CNGB3: variants seen among roughly 807,000 people sequenced by gnomAD.
CNGB3 encodes the protein cyclic nucleotide gated channel subunit beta 3.
In CNGB3, 86 loss-of-function variants were observed where a neutral mutation model predicts 92.8. The observed-to-expected ratio is 0.93, with a 90% CI of 0.78 to 1.11. The LOEUF (loss-of-function observed/expected upper bound fraction) is 1.11. CNGB3 is among the 50% of genes least tolerant of loss of function. CNGB3 has a pLI of 0.00. For synonymous variants in CNGB3, 333 were observed against 332.7 expected, an observed-to-expected ratio of 1.00 and a Z score of -0.01; for missense variants, 1,026 against 956.8, an observed-to-expected ratio of 1.07 and a Z score of -0.95.
intron 3 of CNGB3, among the ~76,000 whole-genome samples, chr8:86,683,429 A>G (rs939333744): frequency 1.3e-5 from 2 of 152,164 alleles, no homozygotes; most frequent in Non-Finnish European, 2.9e-5. Flanking sequence ...GGAAATGTCT[A>G]TTAGAAGTAG....
intron 6 of CNGB3, chr8:86,661,719 T>C (rs1056658312): frequency 1.4e-6 from 2 of 1,464,044 alleles, no homozygotes; most frequent in South Asian, 1.2e-5. Context: ...TTCTGACCCA[T>C]GGGTAGTGGT....
In CNGB3 at chr8:86,670,798, T is replaced by C. The variant is rs1482103400; in HGVS notation, c.493+146A>G. On this transcript the variant is annotated intron_variant, in intron 4 of 17. Coordinates refer to ENST00000320005, the MANE Select transcript of CNGB3 (RefSeq NM_019098.5). ...ACTTTGTTCTCTGTCTCACCACTCG[T>C]ACCTTCCTGGATTACTCTCAAAATA... 14 of 906,664 alleles carry C rather than the reference T, an allele frequency of 1.5e-5. No homozygotes were observed. In the Admixed American group the frequency reaches 2.3e-4, roughly 15 times the overall value. The allele number at this position is 906,664 out of a possible 1,614,324, so 56.2% of individuals were successfully genotyped here.
At chr8:86,612,751 T>A (rs932198953) in intron 13 of CNGB3, among the ~76,000 whole-genome samples, 3 of 152,202 alleles carry the variant, frequency 2.0e-5, no homozygotes, top group African/African-American at 4.8e-5. Context: ...TTAGAATTTT[T>A]AAAAATCACT....
chr8:86,689,120 A>G (rs1360009999), intron 3 of CNGB3, among the ~76,000 whole-genome samples: 1 of 147,492 alleles, frequency 6.8e-6, no homozygotes, highest in Non-Finnish European at 1.5e-5. Context: ...GTTTTATTCC[A>G]TTGTGGTCAG....
At chr8:86,634,764 G>A (rs1438692049) in intron 10 of CNGB3, among the ~76,000 whole-genome samples, 3 of 150,950 alleles carry the variant, frequency 2.0e-5, no homozygotes, top group Admixed American at 6.6e-5. Context: ...TAGCACTTTG[G>A]GTAACTGGGC....
chr8:86,631,016 G>C (rs1822951220), intron 11 of CNGB3, among the ~76,000 whole-genome samples: 1 of 152,076 alleles, frequency 6.6e-6, no homozygotes, highest in Admixed American at 6.6e-5. Context: ...TTCACTATGA[G>C]AGTTTGAGGC....
chr8:86,738,594 C>T (rs1825285621), intron 2 of CNGB3, among the ~76,000 whole-genome samples: 1 of 152,162 alleles, frequency 6.6e-6, no homozygotes, highest in Non-Finnish European at 1.5e-5. Flanking sequence ...AATCCCAGCA[C>T]TTTGGGAGGC....
chr8:86,613,815 G>A (rs1012795642), intron 13 of CNGB3, among the ~76,000 whole-genome samples: 3 of 149,730 alleles, frequency 2.0e-5, no homozygotes, highest in African/African-American at 7.3e-5. Flanking sequence ...TATATTCATG[G>A]GAAATATTAG....
rs867058703 is a variant in CNGB3, at chr8:86,671,054, G to A, written c.383C>T (p.Ala128Val). 6.2e-7 allele frequency: 1 copy of A among 1,613,808 alleles called. No homozygotes were observed. The highest frequency in any genetic ancestry group is 1.3e-5 in the African/African-American group (1 of 74,944). ...CACCAGGTTGTGTAGCTGGGCATCG[G>A]CATACTCATTTATAACAGGAGCTGC... ...PPAAPVINEY[A>V]DAQLHNLVKR... The change falls in exon 4 of 18, where the codon GCC (alanine) becomes GTC (valine). Residue 128 changes from alanine to valine, a missense_variant. Coordinates refer to ENST00000320005, the MANE Select transcript of CNGB3 (RefSeq NM_019098.5).
intron 13 of CNGB3, among the ~76,000 whole-genome samples, chr8:86,624,613 C>T (rs1188080221): frequency 1.3e-5 from 2 of 152,096 alleles, no homozygotes; most frequent in Non-Finnish European, 2.9e-5. Context: ...TCCATCCTCC[C>T]GTAATATTCC....
At chr8:86,587,355 G>A (rs1821919868) in intron 15 of CNGB3, among the ~76,000 whole-genome samples, 1 of 152,098 alleles carries the variant, frequency 6.6e-6, no homozygotes, top group African/African-American at 2.4e-5. Context: ...GATCCCATTT[G>A]TCAATTTTGT....
chr8:86,577,331 C>CAA (rs914864278), intron 17 of CNGB3, among the ~76,000 whole-genome samples: 11 of 152,122 alleles, frequency 7.2e-5, no homozygotes, highest in African/African-American at 2.7e-4. Context: ...ATGAAATTTA[C>CAA]AAAGTTATTT....
chr8:86,581,387 T>C lies in CNGB3; in HGVS notation c.1782-2135A>G, dbSNP rs117653894. Among the ~76,000 whole-genome samples the C allele has an allele frequency of 3.3e-5, 5 of 152,292 alleles. No homozygotes were observed. In the East Asian group the frequency reaches 7.7e-4, roughly 23 times the overall value. On this transcript the variant is annotated intron_variant, in intron 15 of 17. Coordinates refer to ENST00000320005, the MANE Select transcript of CNGB3 (RefSeq NM_019098.5). ...CATGGTTATAAAGTCACTCACACTT[T>C]TGTGGGATTTACCACCAGGAACCTC...
intron 3 of CNGB3, among the ~76,000 whole-genome samples, chr8:86,691,451 G>C (rs777564713): frequency 6.6e-6 from 1 of 152,090 alleles, no homozygotes; most frequent in Non-Finnish European, 1.5e-5. Context: ...TCTTATTCCA[G>C]TTCTCAGGGG....
chr8:86,578,654 T>C, intron 17 of CNGB3, 35 bp downstream of exon 17: 1 of 1,609,090 alleles, frequency 6.2e-7, no homozygotes, highest in Non-Finnish European at 8.5e-7. Context: ...TGGGGCCTTC[T>C]CCATGACAGC....
At position 86,700,162 on chromosome 8, in the gene CNGB3, G is replaced by GT. The variant is rs571633631; in HGVS notation, c.338+26368dup. Among the ~76,000 whole-genome samples, 24 of 152,074 alleles carry GT rather than the reference G, an allele frequency of 1.6e-4. No individual in the cohort carries two copies. The East Asian group carries it at 2.1e-3, about 13-fold the overall frequency. Reference sequence around the variant, plus strand: ...AGAGCAACATTGTATGAGAAGCAATGTTTTTTTTAAATTGGTTTAATTCAG... The same window carrying GT: ...AGAGCAACATTGTATGAGAAGCAATGTTTTTTTTTAAATTGGTTTAATTCAG... On this transcript the variant is annotated intron_variant, in intron 3 of 17. Coordinates refer to ENST00000320005, the MANE Select transcript of CNGB3 (RefSeq NM_019098.5).
intron 11 of CNGB3, 149 bp from the exon 12 acceptor site, chr8:86,629,227 G>T: frequency 2.0e-6 from 2 of 1,024,104 alleles, no homozygotes; most frequent in Non-Finnish European, 2.9e-6. Flanking sequence ...ATTTATTCTT[G>T]CCCAGACAAC....
chr8:86,622,954 T>C (rs1308511478), intron 13 of CNGB3, among the ~76,000 whole-genome samples: 8 of 152,192 alleles, frequency 5.3e-5, no homozygotes. Context: ...AGTCCTAGAA[T>C]ACTGACCTAA....
At chr8:86,629,861 C>G (rs1300915058) in intron 11 of CNGB3, among the ~76,000 whole-genome samples, 3 of 152,176 alleles carry the variant, frequency 2.0e-5, no homozygotes, top group Non-Finnish European at 4.4e-5. Flanking sequence ...TATAGCTCGA[C>G]TCTTCCTCTC....
Sources: allele counts gnomAD v4.1 joint callset (sites outside exome capture counted in the v4.1 genomes callset), GRCh38; gene constraint gnomAD v4.1.1; transcripts MANE v1.5; gene names NCBI Gene and HGNC (gene_info 2026-07-23, HGNC 2026-07-21).